Variants in NEK7 observed in about 807,000 individuals in gnomAD.
The protein encoded by NEK7 is serine/threonine-protein kinase Nek7.
A neutral mutation model predicts 44.6 loss-of-function variants in NEK7; 18 were observed. That is an observed-to-expected ratio of 0.40 (90% CI 0.28 to 0.60). NEK7 has a LOEUF of 0.60. Ranked by LOEUF, NEK7 falls within the 20% of genes least tolerant of loss-of-function variation. NEK7 has a pLI of 0.38. For missense variants in NEK7, 256 were observed against 366.5 expected, an observed-to-expected ratio of 0.70 and a Z score of 2.46; for synonymous variants, 130 against 121.1, an observed-to-expected ratio of 1.07 and a Z score of -0.48.
At chr1:198,208,194 G>C (rs984498549) in intron 1 of NEK7, among the ~76,000 whole-genome samples, 5 of 152,134 alleles carry the variant, frequency 3.3e-5, no homozygotes, top group Admixed American at 6.5e-5. Context: ...TTACTTGCTT[G>C]AGTGCCTGGC....
chr1:198,315,752 A>G (rs1205773156), intron 9 of NEK7, among the ~76,000 whole-genome samples: 1 of 152,178 alleles, frequency 6.6e-6, no homozygotes, highest in Non-Finnish European at 1.5e-5. Context: ...TTGACTTAAG[A>G]AGTTGGAGGT....
Position 198,293,024 on chromosome 1 carries a change from C to T in NEK7, c.669C>T (p.Gly223=). 6.4e-7 allele frequency: 1 copy of T among 1,555,506 alleles called. No individual in the cohort carries two copies. Among genetic ancestry groups the T allele is most frequent in the Non-Finnish European group, 8.9e-7 (1 of 1,127,192 alleles). ...TCAAATCTGACATCTGGTCTCTTGG[C>T]TGTCTACTATATGAGGTAGGTAATG... ...YNFKSDIWSL[G]CLLYEMAALQ... Residue 223 remains glycine (G), a synonymous_variant, in exon 8 of 10, where the codon GGC becomes GGT. Transcript: ENST00000367385.
intron 9 of NEK7, among the ~76,000 whole-genome samples, chr1:198,301,216 A>C (rs942473731): frequency 1.3e-5 from 2 of 152,250 alleles, no homozygotes; most frequent in African/African-American, 4.8e-5. Flanking sequence ...GAGAAGGCAT[A>C]AGAAAGGTTG....
At chr1:198,311,370 A>T (rs1041338256) in intron 9 of NEK7, among the ~76,000 whole-genome samples, 1 of 152,170 alleles carries the variant, frequency 6.6e-6, no homozygotes, top group African/African-American at 2.4e-5. Context: ...ATATACAATC[A>T]TGTCATCTGC....
At chr1:198,210,262 T>A (rs1221798435) in intron 1 of NEK7, among the ~76,000 whole-genome samples, 3 of 152,076 alleles carry the variant, frequency 2.0e-5, no homozygotes, top group Non-Finnish European at 1.5e-5. Flanking sequence ...CCCAGCTGTT[T>A]TGTGTGTGTG....
chr1:198,303,158 G>A (rs1296746801), intron 9 of NEK7, among the ~76,000 whole-genome samples: 3 of 152,062 alleles, frequency 2.0e-5, no homozygotes, highest in Non-Finnish European at 4.4e-5. Flanking sequence ...CGGCAGAAGG[G>A]TAGGAATTAT....
intron 1 of NEK7, chr1:198,207,005 AAT>A (rs946939597): frequency 6.6e-6 from 1 of 152,148 alleles, no homozygotes; most frequent in African/African-American, 2.4e-5. Context: ...AGGGGAAGGT[AAT>A]GTCTGCTTTT....
chr1:198,265,829 T>C (rs1189192146), intron 5 of NEK7, among the ~76,000 whole-genome samples: 1 of 152,124 alleles, frequency 6.6e-6, no homozygotes, highest in Admixed American at 6.6e-5. Flanking sequence ...TTAGTACATA[T>C]GCCTTTAAAT....
intron 3 of NEK7, among the ~76,000 whole-genome samples, chr1:198,260,848 A>G (rs199981081): frequency 7.9e-5 from 12 of 152,246 alleles, no homozygotes; most frequent in East Asian, 5.8e-4. Flanking sequence ...CAAAAAGCAC[A>G]TGCGTTTGTA....
At chr1:198,181,816 A>G (rs565670704) in intron 1 of NEK7, among the ~76,000 whole-genome samples, 2 of 152,248 alleles carry the variant, frequency 1.3e-5, no homozygotes, top group East Asian at 1.9e-4. Context: ...CCAATTTAAA[A>G]TGTGTTTTGT....
chr1:198,292,826 G>A (rs984785527), intron 7 of NEK7, 119 bp from the exon 8 acceptor site: 6 of 712,412 alleles, frequency 8.4e-6, no homozygotes, highest in African/African-American at 5.4e-5. Context: ...AACAGCTTTC[G>A]ATCCTAATGA....
intron 9 of NEK7, among the ~76,000 whole-genome samples, chr1:198,310,306 G>A (rs1655139252): frequency 6.6e-6 from 1 of 151,840 alleles, no homozygotes; most frequent in Admixed American, 6.6e-5. Flanking sequence ...TTTTTTTCTT[G>A]TAGATTTGTT....
chr1:198,235,480 C>T (rs1666522715), intron 2 of NEK7, among the ~76,000 whole-genome samples: 1 of 151,820 alleles, frequency 6.6e-6, no homozygotes, highest in Non-Finnish European at 1.5e-5. Context: ...TTTTCATTGC[C>T]TTTGGACTCT....
chr1:198,276,880 T>C (rs920635000), intron 5 of NEK7, among the ~76,000 whole-genome samples: 1 of 151,658 alleles, frequency 6.6e-6, no homozygotes, highest in African/African-American at 2.4e-5. Flanking sequence ...CCTCAGCTGG[T>C]CACAGGTGTA....
intron 1 of NEK7, among the ~76,000 whole-genome samples, chr1:198,224,815 C>G (rs950067895): frequency 2.6e-5 from 4 of 151,788 alleles, no homozygotes; most frequent in African/African-American, 7.3e-5. Flanking sequence ...ATGTGGAGAC[C>G]TAAAAGTTTG....
intron 8 of NEK7, among the ~76,000 whole-genome samples, chr1:198,294,125 C>A (rs1476634592): frequency 1.3e-5 from 2 of 151,748 alleles, no homozygotes; most frequent in Non-Finnish European, 3.0e-5. Flanking sequence ...ATTTAAGGAA[C>A]CTGAAATTAT....
intron 9 of NEK7, among the ~76,000 whole-genome samples, chr1:198,318,794 G>C (rs1053266233): frequency 6.6e-6 from 1 of 152,036 alleles, no homozygotes; most frequent in African/African-American, 2.4e-5. Flanking sequence ...GAATAAAATA[G>C]TAAACCTCAA....
chr1:198,203,542 T>C (rs1665500843), intron 1 of NEK7, among the ~76,000 whole-genome samples: 1 of 152,220 alleles, frequency 6.6e-6, no homozygotes. Context: ...TGTGCGGACA[T>C]TGGTATCTAT....
intron 1 of NEK7, among the ~76,000 whole-genome samples, chr1:198,230,353 C>T (rs1230550232): frequency 1.3e-5 from 2 of 151,946 alleles, no homozygotes; most frequent in African/African-American, 4.8e-5. Flanking sequence ...TGGGGTTCAT[C>T]CCACAAATGA....
Sources: gnomAD v4.1 joint callset for allele counts (sites outside exome capture counted in the v4.1 genomes callset) on GRCh38, gnomAD v4.1.1 for gene constraint, MANE v1.5 for transcripts, NCBI Gene and HGNC (gene_info 2026-07-23, HGNC 2026-07-21) for gene names.